Variants in MTUS2 observed in about 807,000 individuals in gnomAD.
MTUS2 encodes the protein microtubule associated scaffold protein 2.
A neutral mutation model predicts 114.1 loss-of-function variants in MTUS2; 40 were observed. The ratio of observed to expected loss-of-function variants is 0.35; its 90% CI spans 0.27 to 0.46. The LOEUF (loss-of-function observed/expected upper bound fraction) is 0.46. Ranked by LOEUF, MTUS2 falls within the 20% of genes least tolerant of loss-of-function variation. MTUS2 has a pLI of 1.00. For synonymous variants in MTUS2, 688 were observed against 672.0 expected (o/e 1.02, Z -0.37); for missense variants, 1,679 against 1,705.4 (o/e 0.98, Z 0.27).
intron 5 of MTUS2, among the ~76,000 whole-genome samples, chr13:29,248,134 A>T (rs868856474): frequency 3.9e-5 from 6 of 152,260 alleles, no homozygotes; most frequent in Middle Eastern, 3.2e-3. Flanking sequence ...ATCCTAAGTG[A>T]AGTAGCACCA....
chr13:29,191,653 G>T (rs1894454867), intron 5 of MTUS2, among the ~76,000 whole-genome samples: 4 of 152,156 alleles, frequency 2.6e-5, no homozygotes, highest in Non-Finnish European at 5.9e-5. Flanking sequence ...CCTCCTGCCA[G>T]ATGCTGACTC....
chr13:29,353,976 G>A (rs1869521087), intron 7 of MTUS2, among the ~76,000 whole-genome samples: 1 of 152,078 alleles, frequency 6.6e-6, no homozygotes, highest in African/African-American at 2.4e-5. Flanking sequence ...TCTCTCTGTG[G>A]AGCTCAATCC....
At chr13:28,845,773 G>A (rs1055444523) in intron 2 of MTUS2, among the ~76,000 whole-genome samples, 1 of 151,906 alleles carries the variant, frequency 6.6e-6, no homozygotes, top group African/African-American at 2.4e-5. Flanking sequence ...GACACTCTGG[G>A]TCATGTCTCA....
intron 6 of MTUS2, among the ~76,000 whole-genome samples, chr13:29,289,044 A>AT (rs970943746): frequency 6.6e-6 from 1 of 152,208 alleles, no homozygotes; most frequent in Admixed American, 6.5e-5. Context: ...GTGTTCTCCT[A>AT]TTTTTGTATA....
chr13:29,025,986 T>G lies in MTUS2; in HGVS notation c.1288T>G (p.Phe430Val), dbSNP rs1417797916. 6.2e-7 allele frequency: 1 copy of G among 1,613,978 alleles called. No homozygotes were observed. Among genetic ancestry groups the G allele is most frequent in the Admixed American group, 1.7e-5 (1 of 60,018 alleles). Residue 430 changes from phenylalanine (F) to valine (V), a missense_variant, in exon 3 of 16, where the codon TTT becomes GTT. By Grantham distance (50) the Phe-to-Val change is conservative (BLOSUM62 -1). Around this residue, in one of 3 missense-constraint regions of MTUS2, gnomAD observed 843 missense variants for 770.8 expected, o/e 1.09. Transcript: ENST00000612955. ...GTTGGGTGAAAGGACATCCAGCAGCTTTTCACCAGGTGACAGTCATGTGGC... is the reference window on the plus strand; with the variant it reads ...GTTGGGTGAAAGGACATCCAGCAGCGTTTCACCAGGTGACAGTCATGTGGC... ...EKLGERTSSS[F>V]SPGDSHVAFI... is the part of the protein sequence containing the mutation.
At chr13:29,494,609 G>C (rs974862109) in intron 12 of MTUS2, among the ~76,000 whole-genome samples, 3 of 151,996 alleles carry the variant, frequency 2.0e-5, no homozygotes, top group Admixed American at 6.6e-5. Context: ...ACCTGTGCTA[G>C]GTCACCTGCT....
intron 5 of MTUS2, among the ~76,000 whole-genome samples, chr13:29,222,814 C>T (rs563261144): frequency 9.2e-5 from 14 of 152,260 alleles, no homozygotes; most frequent in Non-Finnish European, 1.9e-4. Context: ...CCTCTCCCCT[C>T]TCCTGGCATC....
intron 6 of MTUS2, among the ~76,000 whole-genome samples, chr13:29,313,468 G>A (rs1374574016): frequency 1.5e-4 from 23 of 152,166 alleles, no homozygotes; most frequent in Admixed American, 1.5e-3. Flanking sequence ...CATATGGAGT[G>A]TGATGTGCAT....
At chr13:29,433,771 C>A (rs1035094710) in intron 8 of MTUS2, among the ~76,000 whole-genome samples, 9 of 152,178 alleles carry the variant, frequency 5.9e-5, no homozygotes, top group African/African-American at 2.2e-4. Context: ...TGATTTTAAA[C>A]CCTAATTTAA....
intron 5 of MTUS2, among the ~76,000 whole-genome samples, chr13:29,142,328 A>G (rs762623363): frequency 6.6e-6 from 1 of 152,182 alleles, no homozygotes; most frequent in Non-Finnish European, 1.5e-5. Flanking sequence ...GTTGAAGCCC[A>G]ATAATTTGTG....
chr13:28,995,076 T>A (rs1256180464), intron 2 of MTUS2, among the ~76,000 whole-genome samples: 1 of 152,208 alleles, frequency 6.6e-6, no homozygotes, highest in Non-Finnish European at 1.5e-5. Context: ...TTAATTTTTG[T>A]ATAAGGTGTA....
intron 2 of MTUS2, among the ~76,000 whole-genome samples, chr13:28,868,149 C>T (rs1473151334): frequency 1.3e-5 from 2 of 152,182 alleles, no homozygotes; most frequent in Non-Finnish European, 2.9e-5. Context: ...CACTTTCTCA[C>T]CAATTCAGAA....
intron 5 of MTUS2, among the ~76,000 whole-genome samples, chr13:29,213,325 A>T (rs1243847154): frequency 6.6e-6 from 1 of 152,164 alleles, no homozygotes. Flanking sequence ...TGCTGTTTCT[A>T]TGTGGAGTGT....
chr13:28,960,538 C>T (rs1311533119), intron 2 of MTUS2, among the ~76,000 whole-genome samples: 1 of 152,168 alleles, frequency 6.6e-6, no homozygotes, highest in Non-Finnish European at 1.5e-5. Flanking sequence ...ATGAGGTATT[C>T]ATTCATACTA....
At position 29,353,183 on chromosome 13, in the gene MTUS2, T is replaced by G. The variant is rs191104288; in HGVS notation, c.2906-6079T>G. Among the ~76,000 whole-genome samples, 19 of 152,278 alleles carry G rather than the reference T, an allele frequency of 1.2e-4. No homozygotes were observed. In the East Asian group the frequency reaches 1.5e-3, roughly 12 times the overall value. ...ATTGGATATATTTTTATTGCCATAG[T>G]ATTTTTTTTAGACAGCATCTCACTC... On this transcript the variant is annotated intron_variant, in intron 7 of 15. Transcript: ENST00000612955.
At chr13:28,892,159 G>C (rs564338671) in intron 2 of MTUS2, among the ~76,000 whole-genome samples, 38 of 152,208 alleles carry the variant, frequency 2.5e-4, no homozygotes, top group African/African-American at 8.7e-4. Flanking sequence ...TGGACTCCTT[G>C]AGGGATGGAC....
chr13:28,990,432 A>G (rs570231787), intron 2 of MTUS2, among the ~76,000 whole-genome samples: 1 of 152,116 alleles, frequency 6.6e-6, no homozygotes, highest in Non-Finnish European at 1.5e-5. Flanking sequence ...AGGATTGTAA[A>G]TGCACCAATC....
chr13:29,318,821 C>A (rs968331575), intron 6 of MTUS2, among the ~76,000 whole-genome samples: 6 of 152,124 alleles, frequency 3.9e-5, no homozygotes, highest in African/African-American at 1.4e-4. Flanking sequence ...TAGGCAGCAC[C>A]CACCCCTGTA....
chr13:29,261,628 A>T (rs1387816344), intron 5 of MTUS2, among the ~76,000 whole-genome samples: 1 of 152,228 alleles, frequency 6.6e-6, no homozygotes, highest in African/African-American at 2.4e-5. Flanking sequence ...CTACTATATA[A>T]GCCCTTGATC....
Sources: allele counts gnomAD v4.1 joint callset (sites outside exome capture counted in the v4.1 genomes callset), GRCh38; gene constraint gnomAD v4.1.1; regional missense constraint gnomAD v4.1.1; transcripts MANE v1.5; gene names NCBI Gene and HGNC (gene_info 2026-07-23, HGNC 2026-07-21).